KMO: variants seen among roughly 807,000 people sequenced by gnomAD.
The protein encoded by KMO is kynurenine 3-hydroxylase.
A neutral mutation model predicts 57.8 loss-of-function variants in KMO; 24 were observed. The ratio of observed to expected loss-of-function variants is 0.42; its 90% CI spans 0.30 to 0.58. The LOEUF is 0.58. Ranked by LOEUF, KMO falls within the 20% of genes least tolerant of loss-of-function variation. The pLI is 0.22. For missense variants in KMO, 483 were observed against 588.2 expected (o/e 0.82, Z 1.85); for synonymous variants, 210 against 193.6 (o/e 1.08, Z -0.70).
intron 1 of KMO, among the ~76,000 whole-genome samples, chr1:241,538,862 A>C (rs1224968713): frequency 6.6e-6 from 1 of 152,184 alleles, no homozygotes; most frequent in Non-Finnish European, 1.5e-5. Context: ...GACTTTGTTA[A>C]GTGCCTACAA....
At chr1:241,553,338 A>T (rs895801119) in intron 4 of KMO, among the ~76,000 whole-genome samples, 1 of 152,232 alleles carries the variant, frequency 6.6e-6, no homozygotes, top group African/African-American at 2.4e-5. Flanking sequence ...TGACAAGTCT[A>T]TCAGTTCCCA....
At chr1:241,589,800 G>A (rs1000974645) in intron 12 of KMO, among the ~76,000 whole-genome samples, 4 of 152,150 alleles carry the variant, frequency 2.6e-5, no homozygotes, top group African/African-American at 4.8e-5. Context: ...TTCCCTAGCA[G>A]GTTTCGTGTA....
At chr1:241,585,374 T>C (rs1340046622) in intron 10 of KMO, among the ~76,000 whole-genome samples, 1 of 152,190 alleles carries the variant, frequency 6.6e-6, no homozygotes, top group Admixed American at 6.5e-5. Flanking sequence ...CTCACTTCTA[T>C]AGTATTGAGA....
intron 1 of KMO, among the ~76,000 whole-genome samples, chr1:241,543,216 C>A (rs1204973946): frequency 6.6e-6 from 1 of 152,214 alleles, no homozygotes; most frequent in East Asian, 1.9e-4. Context: ...CGTCCCCCAC[C>A]CATTAGAAGC....
intron 4 of KMO, among the ~76,000 whole-genome samples, chr1:241,554,227 T>TTTCCTTCCTTCCTTCCTTCCTTCCTTCC (rs59290477): frequency 7.6e-6 from 1 of 132,036 alleles, no homozygotes; most frequent in Non-Finnish European, 1.6e-5. Context: ...AATACTTTTC[T>TTTCCTTCCTTCCTTCCTTCCTTCCTTCC]TTCCTTCCTT....
At chr1:241,545,158 T>C (rs150587072) in intron 1 of KMO, among the ~76,000 whole-genome samples, 237 of 152,294 alleles carry the variant, frequency 1.6e-3, no homozygotes, top group African/African-American at 5.6e-3. Context: ...TGAACAAATA[T>C]ATATGAAGCA....
chr1:241,547,045 T>C (rs1661175657), intron 1 of KMO, among the ~76,000 whole-genome samples: 1 of 152,204 alleles, frequency 6.6e-6, no homozygotes, highest in African/African-American at 2.4e-5. Context: ...TCAAGTGTGA[T>C]AATTATATAC....
intron 3 of KMO, 103 bp downstream of exon 3, chr1:241,549,877 A>G: frequency 1.3e-6 from 1 of 752,910 alleles, no homozygotes; most frequent in Non-Finnish European, 2.2e-6. Context: ...AATACCAAGA[A>G]TCTCTGCATG....
chr1:241,586,955 A>G (rs1483406498), intron 11 of KMO, among the ~76,000 whole-genome samples: 1 of 152,188 alleles, frequency 6.6e-6, no homozygotes, highest in Non-Finnish European at 1.5e-5. Flanking sequence ...TTCTATGTGG[A>G]GGTCCATGAA....
intron 2 of KMO, 92 bp from the exon 3 acceptor site, chr1:241,549,585 G>A (rs542395681): frequency 5.0e-5 from 33 of 663,342 alleles, no homozygotes; most frequent in South Asian, 1.9e-4. Context: ...ATGTGGTTCC[G>A]AATGAACCAG....
At chr1:241,535,370 G>A (rs545011457) in intron 1 of KMO, among the ~76,000 whole-genome samples, 1 of 151,944 alleles carries the variant, frequency 6.6e-6, no homozygotes, top group South Asian at 2.1e-4. Flanking sequence ...AATGAGAGTT[G>A]AGAACCTTTA....
At position 241,586,732 on chromosome 1, in the gene KMO, C is replaced by T. The variant is rs139815692; in HGVS notation, c.1011C>T (p.Asp337=). 1.4e-4 allele frequency: 225 copies of T among 1,602,974 alleles called. No individual in the cohort carries two copies. In the African/African-American group the frequency reaches 2.6e-3, roughly 19 times the overall value. Reference sequence around the variant, plus strand: ...AGTTAATGGATAAATTCAGTAACGACCTTAGTAAGTAAGGTCAATTTCTCA... The same window carrying T: ...AGTTAATGGATAAATTCAGTAACGATCTTAGTAAGTAAGGTCAATTTCTCA... ...FDELMDKFSN[D]LSLCLPVFSR... The change falls in exon 11 of 15, where the codon GAC becomes GAT. Residue 337 remains aspartate, a synonymous_variant. Coordinates refer to ENST00000366559, the MANE Select transcript of KMO (RefSeq NM_003679.5).
At chr1:241,538,181 A>G (rs1660815242) in intron 1 of KMO, among the ~76,000 whole-genome samples, 1 of 152,106 alleles carries the variant, frequency 6.6e-6, no homozygotes. Context: ...TGGCATTAGC[A>G]TGCTGTGAAG....
chr1:241,549,256 A>AGAAAGAAAGAAAGAAAGAAAGTCG (rs1553346343), intron 2 of KMO, among the ~76,000 whole-genome samples: 3 of 114,806 alleles, frequency 2.6e-5, no homozygotes, highest in Non-Finnish European at 5.7e-5. Flanking sequence ...AAAGAAAGAA[A>AGAAAGAAAGAAAGAAAGAAAGTCG]GAAAGAAAGA....
chr1:241,563,967 G>A (rs950426966), intron 7 of KMO, among the ~76,000 whole-genome samples: 8 of 152,086 alleles, frequency 5.3e-5, no homozygotes, highest in East Asian at 1.9e-4. Flanking sequence ...CTGTTAAAGC[G>A]AAGTAATTGC....
intron 10 of KMO, among the ~76,000 whole-genome samples, chr1:241,580,604 C>T (rs1662712795): frequency 6.6e-6 from 1 of 152,004 alleles, no homozygotes; most frequent in Non-Finnish European, 1.5e-5. Context: ...TCTTCATTGA[C>T]CCAGTGGTCA....
intron 14 of KMO, among the ~76,000 whole-genome samples, chr1:241,590,964 A>G (rs1558433926): frequency 6.6e-6 from 1 of 152,188 alleles, no homozygotes; most frequent in Non-Finnish European, 1.5e-5. Context: ...ACAGTGTGTG[A>G]GAATGGTCAG....
chr1:241,592,004 A>T lies in KMO; in HGVS notation c.1312A>T (p.Thr438Ser). 1 of 1,614,000 alleles carries T rather than the reference A, an allele frequency of 6.2e-7. No individual in the cohort carries two copies. The highest frequency in any genetic ancestry group is 8.5e-7 in the Non-Finnish European group (1 of 1,179,896). The change falls in exon 15 of 15, where the codon ACC (threonine) becomes TCC (serine). Residue 438 changes from threonine to serine, a missense_variant. Transcript: ENST00000366559. ...FLGSLIAISSTYLLIHYMSPR... is the reference protein window; with the variant it reads ...FLGSLIAISSSYLLIHYMSPR... Reference sequence around the variant, plus strand: ...GGGATCACTGATAGCCATCAGCAGTACCTACCTACTTATACACTACATGTC... The same window carrying T: ...GGGATCACTGATAGCCATCAGCAGTTCCTACCTACTTATACACTACATGTC...
intron 4 of KMO, among the ~76,000 whole-genome samples, chr1:241,552,258 G>C (rs1183259595): frequency 6.6e-6 from 1 of 151,730 alleles, no homozygotes; most frequent in Non-Finnish European, 1.5e-5. Flanking sequence ...CCCTTTTTGC[G>C]GCCTTCAATG....
Sources: allele counts gnomAD v4.1 joint callset (sites outside exome capture counted in the v4.1 genomes callset), GRCh38; gene constraint gnomAD v4.1.1; transcripts MANE v1.5; gene names NCBI Gene and HGNC (gene_info 2026-07-23, HGNC 2026-07-21).